KCND3: variants seen among roughly 807,000 people sequenced by gnomAD.
KCND3 encodes potassium voltage-gated channel subfamily D member 3, also known as A-type voltage-gated potassium channel KCND3.
KCND3 carries 9 observed loss-of-function variants against 51.1 expected under a neutral mutation model. The ratio of observed to expected loss-of-function variants is 0.18; its 90% CI spans 0.11 to 0.31. The LOEUF (loss-of-function observed/expected upper bound fraction) is 0.31, where lower values mean the gene tolerates loss of function less well. Among genes scored for constraint, KCND3 ranks in the 10% least tolerant of loss-of-function variants. The pLI, the probability that KCND3 is intolerant of heterozygous loss-of-function variation, is 1.00. For missense variants in KCND3, 526 were observed against 903.8 expected, an observed-to-expected ratio of 0.58 and a Z score of 5.36; for synonymous variants, 349 against 368.0, an observed-to-expected ratio of 0.95 and a Z score of 0.59.
chr1:111,982,780 G>T lies in KCND3; in HGVS notation c.-54C>A. On this transcript the variant is annotated 5_prime_UTR_variant, in exon 2 of 8. Coordinates refer to ENST00000302127, the MANE Select transcript of KCND3 (RefSeq NM_001378969.1). This position sits in a 1 kb window ranked among gnomAD's most constrained non-coding sequence, Gnocchi z 8.5. ...GCGCGGACGCTAGGCACACCAGCTT[G>T]GAGTTAGTTCAGCAAACCCTGGGAG... 1 of 1,561,350 alleles carries T rather than the reference G, an allele frequency of 6.4e-7. No homozygotes were observed. The highest frequency in any genetic ancestry group is 1.2e-5 in the South Asian group (1 of 86,774).
At chr1:111,934,920 A>G (rs528026666) in intron 2 of KCND3, among the ~76,000 whole-genome samples, 1 of 152,358 alleles carries the variant, frequency 6.6e-6, no homozygotes, top group Non-Finnish European at 1.5e-5. Flanking sequence ...GAGCACTTAC[A>G]TTAATGCCTG....
chr1:111,817,476 A>G (rs530862699), intron 2 of KCND3, among the ~76,000 whole-genome samples: 1 of 152,360 alleles, frequency 6.6e-6, no homozygotes, highest in African/African-American at 2.4e-5. Context: ...ATTATAGCAC[A>G]GACCCGACAC....
At chr1:111,918,784 G>C (rs970799748) in intron 2 of KCND3, among the ~76,000 whole-genome samples, 3 of 152,148 alleles carry the variant, frequency 2.0e-5, no homozygotes, top group Admixed American at 6.5e-5. Context: ...GGAATGATGA[G>C]CCAGGAAGTA....
Position 111,827,945 on chromosome 1 carries a change from G to A in KCND3, c.1107-40839C>T, listed in dbSNP as rs541876478. Among the ~76,000 whole-genome samples, 4 of 152,232 alleles carry A rather than the reference G, an allele frequency of 2.6e-5. No homozygotes were observed. In the South Asian group the frequency reaches 8.3e-4, roughly 32 times the overall value. On this transcript the variant is annotated intron_variant, in intron 2 of 7. Transcript: ENST00000302127. ...AATAAGAGAAAAGAGTGAGGCCCCT[G>A]GTCTCACTCTGAGCGCTGTTCCTGA...
At chr1:111,890,948 C>T (rs12082794) in intron 2 of KCND3, among the ~76,000 whole-genome samples, 25,624 of 152,014 alleles carry the variant, frequency 0.17, 2,294 homozygotes, top group Middle Eastern at 0.23. Flanking sequence ...AGAAGTGTTT[C>T]GGGAGAGTGG....
At chr1:111,834,014 C>G (rs533101645) in intron 2 of KCND3, among the ~76,000 whole-genome samples, 54 of 152,264 alleles carry the variant, frequency 3.5e-4, no homozygotes, top group Non-Finnish European at 5.4e-4. Flanking sequence ...GTATGAAAAT[C>G]CTTGATAAGC....
chr1:111,821,781 AG>A (rs1666360237), intron 2 of KCND3, among the ~76,000 whole-genome samples: 1 of 152,170 alleles, frequency 6.6e-6, no homozygotes, highest in Admixed American at 6.5e-5. Flanking sequence ...TGCAGGGGCC[AG>A]GGGGACAGTC....
intron 2 of KCND3, among the ~76,000 whole-genome samples, chr1:111,953,451 G>A (rs908330643): frequency 6.6e-6 from 1 of 152,224 alleles, no homozygotes; most frequent in African/African-American, 2.4e-5. Flanking sequence ...CTAAAGGGAA[G>A]GCGATGTGTC....
At chr1:111,822,274 G>A (rs375748700) in intron 2 of KCND3, among the ~76,000 whole-genome samples, 193 of 152,026 alleles carry the variant, frequency 1.3e-3, no homozygotes, top group African/African-American at 3.7e-3. Flanking sequence ...ATTTTTAGGC[G>A]TACTGTTTGG....
At chr1:111,803,945 G>A (rs149449599) in intron 2 of KCND3, among the ~76,000 whole-genome samples, 1 of 152,240 alleles carries the variant, frequency 6.6e-6, no homozygotes, top group African/African-American at 2.4e-5. Flanking sequence ...CTTTATGTGG[G>A]GCTCATCTTG....
chr1:111,919,540 T>G (rs1253842089), intron 2 of KCND3, among the ~76,000 whole-genome samples: 1 of 151,978 alleles, frequency 6.6e-6, no homozygotes, highest in African/African-American at 2.4e-5. Flanking sequence ...GGGCATGGTA[T>G]GAGATGGGTT....
At chr1:111,962,834 C>T (rs1456109877) in intron 2 of KCND3, among the ~76,000 whole-genome samples, 1 of 152,216 alleles carries the variant, frequency 6.6e-6, no homozygotes, top group African/African-American at 2.4e-5. Flanking sequence ...CTCTTTTAAT[C>T]TGGGTTTGGC....
chr1:111,948,173 A>C (rs1304703544), intron 2 of KCND3, among the ~76,000 whole-genome samples: 1 of 152,238 alleles, frequency 6.6e-6, no homozygotes, highest in Non-Finnish European at 1.5e-5. Flanking sequence ...CCATGCCCCT[A>C]TCCTGTGCGT....
chr1:111,928,289 C>G (rs1022509896), intron 2 of KCND3, among the ~76,000 whole-genome samples: 1 of 152,176 alleles, frequency 6.6e-6, no homozygotes, highest in Admixed American at 6.5e-5. Context: ...AGAAAGTGAA[C>G]GGGCCCTGGA....
In KCND3 at chr1:111,982,874, G is replaced by A; in HGVS notation, c.-72-76C>T. ...AGGTAAGAAATGGGACACAGGAAAG[G>A]ATCACTGGTGAGTGAAACGGCCAAA... On this transcript the variant is annotated intron_variant, in intron 1 of 7. Transcript: ENST00000302127. The surrounding 1 kb of genome is among the most constrained non-coding windows in gnomAD (Gnocchi z 8.5). 1 of 1,138,894 alleles carries A rather than the reference G, an allele frequency of 8.8e-7. No individual in the cohort carries two copies. The highest frequency in any genetic ancestry group is 1.4e-5 in the South Asian group (1 of 72,776). 70.5% of individuals were successfully genotyped at this position (1,138,894 alleles called of 1,614,324 possible).
intron 1 of KCND3, among the ~76,000 whole-genome samples, chr1:111,986,422 G>A (rs1301690172): frequency 2.0e-5 from 3 of 152,166 alleles, no homozygotes; most frequent in Non-Finnish European, 4.4e-5. Flanking sequence ...CCTGATCTAG[G>A]TGTTGCCCAA....
chr1:111,878,285 C>T (rs1867372), intron 2 of KCND3, among the ~76,000 whole-genome samples: 3,212 of 152,294 alleles, frequency 0.021, 110 homozygotes, highest in African/African-American at 0.074. Context: ...GTGTGAAATG[C>T]GCTTCCCTCC....
At chr1:111,891,489 G>A (rs1018990117) in intron 2 of KCND3, among the ~76,000 whole-genome samples, 1 of 152,166 alleles carries the variant, frequency 6.6e-6, no homozygotes, top group Admixed American at 6.5e-5. Context: ...CAGTACCTAC[G>A]GCACAAATGC....
At chr1:111,871,523 A>C (rs1217323567) in intron 2 of KCND3, among the ~76,000 whole-genome samples, 1 of 152,232 alleles carries the variant, frequency 6.6e-6, no homozygotes, top group Non-Finnish European at 1.5e-5. Flanking sequence ...AACAAAGTTA[A>C]AGGGGTAAAG....
Sources: allele counts gnomAD v4.1 joint callset (sites outside exome capture counted in the v4.1 genomes callset), GRCh38; gene constraint gnomAD v4.1.1; non-coding constraint Gnocchi (gnomAD v3.1); transcripts MANE v1.5; gene names NCBI Gene and HGNC (gene_info 2026-07-23, HGNC 2026-07-21).